Variants in DLG2 observed in about 807,000 individuals in gnomAD.
The protein encoded by DLG2 is discs large MAGUK scaffold protein 2, also known as disks large homolog 2.
Under a neutral mutation model 132.5 loss-of-function variants are expected in DLG2, and 45 were observed. The ratio of observed to expected loss-of-function variants is 0.34; its 90% CI spans 0.27 to 0.44. The LOEUF (loss-of-function observed/expected upper bound fraction) is 0.44, where lower values mean the gene tolerates loss of function less well. Ranked by LOEUF, DLG2 falls within the 20% of genes least tolerant of loss-of-function variation. The probability of loss-of-function intolerance (pLI) is 1.00; values close to 1 mark genes in which losing one functional copy is unlikely to be tolerated. For synonymous variants in DLG2, 424 were observed against 419.6 expected (o/e 1.01, Z -0.13); for missense variants, 1,045 against 1,196.9 (o/e 0.87, Z 1.87).
chr11:84,572,854 C>T (rs1650416800), intron 6 of DLG2, among the ~76,000 whole-genome samples: 1 of 152,064 alleles, frequency 6.6e-6, no homozygotes, highest in Admixed American at 6.6e-5. Context: ...GTGCAGCATC[C>T]ATCTGGGTTC....
intron 18 of DLG2, among the ~76,000 whole-genome samples, chr11:83,644,688 T>C (rs1207884346): frequency 6.6e-6 from 1 of 152,102 alleles, no homozygotes; most frequent in Non-Finnish European, 1.5e-5. Context: ...ATGGTAACAA[T>C]TTCATGCTCA....
chr11:85,408,687 A>G (rs529137519), intron 3 of DLG2, among the ~76,000 whole-genome samples: 2 of 150,712 alleles, frequency 1.3e-5, no homozygotes, highest in East Asian at 3.9e-4. Flanking sequence ...GAGAATGATG[A>G]TTTCCAATTT....
intron 6 of DLG2, among the ~76,000 whole-genome samples, chr11:84,993,390 TATAGTA>T (rs1392525267): frequency 6.6e-6 from 1 of 152,092 alleles, no homozygotes; most frequent in Admixed American, 6.6e-5. Context: ...TAAAGATAGG[TATAGTA>T]ATAGCCAAAA....
At chr11:84,444,324 T>C (rs528187036) in intron 7 of DLG2, among the ~76,000 whole-genome samples, 2 of 152,310 alleles carry the variant, frequency 1.3e-5, no homozygotes, top group South Asian at 4.1e-4. Flanking sequence ...CCATGGCTCA[T>C]GTTTCCCTAT....
At chr11:84,110,064 T>A (rs7104249) in intron 9 of DLG2, among the ~76,000 whole-genome samples, 123,557 of 151,956 alleles carry the variant, frequency 0.81, 50,427 homozygotes, top group Middle Eastern at 0.89. Flanking sequence ...GACTCACTTC[T>A]CTCCTTCCTT....
At chr11:83,466,506 A>G (rs1234904609) in intron 26 of DLG2, among the ~76,000 whole-genome samples, 1 of 152,254 alleles carries the variant, frequency 6.6e-6, no homozygotes, top group African/African-American at 2.4e-5. Flanking sequence ...AAAATGAGGG[A>G]TGTTAAAAAA....
chr11:83,580,978 T>G (rs1565898523), intron 19 of DLG2, among the ~76,000 whole-genome samples: 1 of 146,540 alleles, frequency 6.8e-6, no homozygotes, highest in Non-Finnish European at 1.5e-5. Flanking sequence ...TCTCTCATCC[T>G]TCTTTCATTT....
chr11:84,590,044 ATAT>A (rs1201216246), intron 6 of DLG2, among the ~76,000 whole-genome samples: 1 of 152,210 alleles, frequency 6.6e-6, no homozygotes, highest in Non-Finnish European at 1.5e-5. Context: ...TCATCTTTAA[ATAT>A]TATCTGAGAA....
At chr11:84,502,624 C>T (rs2099224065) in intron 7 of DLG2, among the ~76,000 whole-genome samples, 1 of 151,634 alleles carries the variant, frequency 6.6e-6, no homozygotes, top group Admixed American at 6.6e-5. Context: ...TTTCGAACTC[C>T]TGGCCTGACA....
At chr11:85,388,313 GTC>G (rs2086515364) in intron 3 of DLG2, among the ~76,000 whole-genome samples, 1 of 152,110 alleles carries the variant, frequency 6.6e-6, no homozygotes, top group South Asian at 2.1e-4. Flanking sequence ...CTTAAGGAGA[GTC>G]TGAGTTCAGA....
At chr11:84,481,656 A>C (rs2099138016) in intron 7 of DLG2, among the ~76,000 whole-genome samples, 1 of 152,110 alleles carries the variant, frequency 6.6e-6, no homozygotes, top group Non-Finnish European at 1.5e-5. Flanking sequence ...CCTAAACCTC[A>C]GTCCACCCTT....
chr11:85,388,439 ATACTTATCCAAAGGCTACCC>A (rs1233255942), intron 3 of DLG2, among the ~76,000 whole-genome samples: 1 of 152,142 alleles, frequency 6.6e-6, no homozygotes, highest in African/African-American at 2.4e-5. Flanking sequence ...AGAAACCTGA[ATACTTATCCAAAGGCTACCC>A]TAGGAAAAGC....
rs2076016975 is a variant in DLG2 at position 83,668,038 on chromosome 11, G to C, written c.1826-34713C>G. Among the ~76,000 whole-genome samples the C allele has an allele frequency of 2.3e-5, 3 of 129,526 alleles. No homozygotes were observed. The South Asian group carries it at 7.6e-4, about 33-fold the overall frequency. 85.0% of individuals were successfully genotyped at this position (129,526 alleles called of 152,430 possible). On this transcript the variant is annotated intron_variant, in intron 18 of 27. Transcript: ENST00000376104. The stretch of plus-strand genomic sequence containing the variant: ...GGGAAATGACGGCCCCTGGCTGCCA[G>C]TCACTTTGCAATTTTCTGGGGAAAT...
intron 4 of DLG2, among the ~76,000 whole-genome samples, chr11:85,207,863 C>T (rs75436864): frequency 0.02 from 2,992 of 151,734 alleles, 57 homozygotes; most frequent in Admixed American, 0.037. Flanking sequence ...ATAACTATTC[C>T]TTCTGCTTGA....
At chr11:83,631,546 T>C (rs2063560529) in intron 19 of DLG2, 2 of 152,132 alleles carry the variant, frequency 1.3e-5, no homozygotes, top group Admixed American at 1.3e-4. Context: ...TTATTTATGA[T>C]TTTAGAGAAT....
intron 4 of DLG2, among the ~76,000 whole-genome samples, chr11:85,155,742 C>T (rs902879429): frequency 4.6e-5 from 7 of 151,772 alleles, no homozygotes; most frequent in Admixed American, 1.3e-4. Context: ...TGGTGGCATG[C>T]GCCTGTAATC....
At chr11:84,982,434 T>A (rs1592184852) in intron 6 of DLG2, among the ~76,000 whole-genome samples, 1 of 152,172 alleles carries the variant, frequency 6.6e-6, no homozygotes, top group African/African-American at 2.4e-5. Flanking sequence ...ATTTTTCACA[T>A]GTTCTCCTCC....
intron 4 of DLG2, among the ~76,000 whole-genome samples, chr11:85,260,087 C>T (rs80048457): frequency 2.0e-3 from 312 of 152,214 alleles, no homozygotes; most frequent in African/African-American, 7.2e-3. Flanking sequence ...GCTCTACCAT[C>T]AACAATGTGA....
intron 18 of DLG2, among the ~76,000 whole-genome samples, chr11:83,697,731 A>T (rs2082177502): frequency 6.6e-6 from 1 of 152,224 alleles, no homozygotes; most frequent in Non-Finnish European, 1.5e-5. Flanking sequence ...CATATAAGGT[A>T]TGTAAAAAGC....
Sources: gnomAD v4.1 joint callset for allele counts (sites outside exome capture counted in the v4.1 genomes callset) on GRCh38, gnomAD v4.1.1 for gene constraint, MANE v1.5 for transcripts, NCBI Gene and HGNC (gene_info 2026-07-23, HGNC 2026-07-21) for gene names.